The following BRME1 variants were observed in gnomAD, a reference collection of about 807,000 sequenced individuals.
BRME1 encodes the protein BRCA2 and MEILB2-associating protein 1.
In BRME1, 31 loss-of-function variants were observed where a neutral mutation model predicts 52.6. The observed-to-expected ratio is 0.59, with a 90% CI of 0.44 to 0.80. The LOEUF (loss-of-function observed/expected upper bound fraction) is 0.80, where lower values mean the gene tolerates loss of function less well. Ranked by LOEUF, BRME1 falls within the 30% of genes least tolerant of loss-of-function variation. The pLI, the probability that BRME1 is intolerant of heterozygous loss-of-function variation, is 0.00. For missense variants in BRME1, 804 were observed against 860.3 expected, an observed-to-expected ratio of 0.93 and a Z score of 0.82; for synonymous variants, 359 against 353.6, an observed-to-expected ratio of 1.02 and a Z score of -0.17.
At chr19:13,902,769 AC>A (rs760734138) in intron 2 of BRME1, among the ~76,000 whole-genome samples, 21 of 151,676 alleles carry the variant, frequency 1.4e-4, no homozygotes, top group South Asian at 1.0e-3. Context: ...CTAAAAAAAT[AC>A]AAAAATTAGC....
chr19:13,895,485 G>T lies in BRME1; in HGVS notation c.93C>A (p.Asp31Glu). The change falls in exon 3 of 9, where the codon GAC becomes GAA. Residue 31 changes from aspartate to glutamate, a missense_variant. Coordinates refer to ENST00000586783, the MANE Select transcript of BRME1 (RefSeq NM_001345843.2). ...KNPRLGDFYG[D>E]PQSSMLGCLH... ...AACAGCCCAACATGGAACTCTGGGG[G>T]TCCCCATAGAAGTCTCCTAGCCTTG... The T allele has an allele frequency of 6.2e-7, 1 of 1,614,056 alleles. No individual in the cohort carries two copies. The highest frequency in any genetic ancestry group is 1.1e-5 in the South Asian group (1 of 91,080).
chr19:13,883,547 C>T lies in BRME1; in HGVS notation c.1764-147G>A. On this transcript the variant is annotated intron_variant, in intron 7 of 8. Transcript: ENST00000586783. This position sits in a 1 kb window ranked among gnomAD's most constrained non-coding sequence, Gnocchi z 4.2. ...CTGTTCACGACAGAACCCTGATGGC[C>T]AACCCAGCTGGCTCCACTGCCCAGC... The T allele has an allele frequency of 1.6e-6, 1 of 626,286 alleles. No individual in the cohort carries two copies. Among genetic ancestry groups the T allele is most frequent in the Non-Finnish European group, 2.8e-6 (1 of 357,812 alleles). 38.8% of individuals were successfully genotyped at this position (626,286 alleles called of 1,614,324 possible). A position where few individuals can be genotyped will look rare whatever the true frequency, so the allele number is the denominator to read the frequency against.
rs1218962559 is a variant in BRME1, at chr19:13,889,990, G to C, written c.866C>G (p.Ala289Gly). Residue 289 changes from alanine (A) to glycine (G), a missense_variant, in exon 6 of 9, where the codon GCT becomes GGT. Ala to Gly is a moderately conservative substitution (Grantham distance 60). This residue lies in a region of BRME1 where 552 missense variants were observed against 561.1 expected (regional missense o/e 0.98). Transcript: ENST00000586783. Reference protein sequence around the residue: ...TPASAPTSGPAPGLGPASWCL... With the variant: ...TPASAPTSGPGPGLGPASWCL... The stretch of plus-strand genomic sequence containing the variant: ...CCAAGAGGCAGGGCCCAGTCCTGGA[G>C]CAGGGCCTGAGGTAGGAGCTGATGC... 3 of 1,612,790 alleles carry C rather than the reference G, an allele frequency of 1.9e-6. No homozygotes were observed. Among genetic ancestry groups the C allele is most frequent in the Non-Finnish European group, 1.7e-6 (2 of 1,179,972 alleles).
At chr19:13,899,790 C>G (rs889951744) in intron 2 of BRME1, among the ~76,000 whole-genome samples, 1 of 152,156 alleles carries the variant, frequency 6.6e-6, no homozygotes, top group African/African-American at 2.4e-5. Flanking sequence ...TGCTTGAGGT[C>G]AGGAGTTCAA....
rs950435181 is a variant in BRME1, at chr19:13,904,648, G to A, written c.31+214C>T. On this transcript the variant is annotated intron_variant, in intron 2 of 8. Transcript: ENST00000586783. The stretch of plus-strand genomic sequence containing the variant: ...GTAGAGACGGGGTTTCACCATGTTG[G>A]TCAGGCTGGTCTTGAACTCCTGACC... Among the ~76,000 whole-genome samples the A allele has an allele frequency of 1.9e-4, 28 of 149,194 alleles. 1 individual carries two copies. Among genetic ancestry groups the A allele is most frequent in the African/African-American group, 6.0e-4 (24 of 40,294 alleles).
Position 13,883,532 on chromosome 19 carries a change from C to A in BRME1, c.1764-132G>T. 1.4e-6 allele frequency: 1 copy of A among 695,272 alleles called. No individual in the cohort carries two copies. Among genetic ancestry groups the A allele is most frequent in the Non-Finnish European group, 2.4e-6 (1 of 414,876 alleles). 43.1% of individuals were successfully genotyped at this position (695,272 alleles called of 1,614,324 possible). A position where few individuals can be genotyped will look rare whatever the true frequency, so the allele number is the denominator to read the frequency against. On this transcript the variant is annotated intron_variant, in intron 7 of 8. Transcript: ENST00000586783. The surrounding 1 kb of genome is among the most constrained non-coding windows in gnomAD (Gnocchi z 4.2). The stretch of plus-strand genomic sequence containing the variant: ...CCAGCCTGTCCTCCTCTGTTCACGA[C>A]AGAACCCTGATGGCCAACCCAGCTG...
chr19:13,898,550 C>T (rs1302692715), intron 2 of BRME1, among the ~76,000 whole-genome samples: 5 of 152,034 alleles, frequency 3.3e-5, no homozygotes, highest in Admixed American at 1.3e-4. Context: ...GTTGAAGCTG[C>T]AGCAAGCCGT....
intron 2 of BRME1, among the ~76,000 whole-genome samples, chr19:13,900,301 T>A (rs1970209678): frequency 6.6e-6 from 1 of 152,138 alleles, no homozygotes; most frequent in Admixed American, 6.5e-5. Context: ...TTCCTCTCTC[T>A]CCACCCTTCC....
At chr19:13,894,282 T>A (rs1338640634) in intron 3 of BRME1, among the ~76,000 whole-genome samples, 1 of 152,168 alleles carries the variant, frequency 6.6e-6, no homozygotes, top group East Asian at 1.9e-4. Flanking sequence ...CCCAGCACTT[T>A]GGGAGGCCGA....
intron 3 of BRME1, 40 bp from the exon 4 acceptor site, chr19:13,893,263 G>A (rs542305212): frequency 6.5e-7 from 1 of 1,528,052 alleles, no homozygotes; most frequent in Admixed American, 2.0e-5. Flanking sequence ...ATCTGCCCGG[G>A]TGCGGTGGCT....
At chr19:13,903,982 G>C (rs944384527) in intron 2 of BRME1, among the ~76,000 whole-genome samples, 1 of 152,128 alleles carries the variant, frequency 6.6e-6, no homozygotes, top group Non-Finnish European at 1.5e-5. Context: ...AGGCTGTCCC[G>C]CTGCCCTGAA....
chr19:13,902,980 T>C (rs1970404382), intron 2 of BRME1, among the ~76,000 whole-genome samples: 1 of 151,470 alleles, frequency 6.6e-6, no homozygotes, highest in South Asian at 2.1e-4. Flanking sequence ...TCCTGTCCTG[T>C]TTTTCATGCT....
rs1204099887 is a variant in BRME1 at position 13,888,204 on chromosome 19, C to T, written c.1668+984G>A. On this transcript the variant is annotated intron_variant, in intron 6 of 8. Transcript: ENST00000586783. This position sits in a 1 kb window ranked among gnomAD's most constrained non-coding sequence, Gnocchi z 4.1. ...ACAGGTGGGAGCCACTGTGCCTGGCCATGAATTTTTTTTTTTTTTTTTAAC... is the reference window on the plus strand; with the variant it reads ...ACAGGTGGGAGCCACTGTGCCTGGCTATGAATTTTTTTTTTTTTTTTTAAC... 6.6e-6 allele frequency among the ~76,000 whole-genome samples: 1 copy of T among 151,196 alleles called. No homozygotes were observed. The highest frequency in any genetic ancestry group is 1.5e-5 in the Non-Finnish European group (1 of 67,956).
chr19:13,886,090 C>T, intron 6 of BRME1, 35 bp from the exon 7 acceptor site: 1 of 1,595,484 alleles, frequency 6.3e-7, no homozygotes, highest in East Asian at 2.2e-5. Flanking sequence ...GTGGTCGAGG[C>T]CTGGGTCGGG....
At chr19:13,894,751 TAAC>T (rs1474076208) in intron 3 of BRME1, among the ~76,000 whole-genome samples, 2 of 152,190 alleles carry the variant, frequency 1.3e-5, no homozygotes, top group East Asian at 1.9e-4. Flanking sequence ...TTAGCTCACA[TAAC>T]AACAATTCCT....
rs764121238 is a variant in BRME1 at position 13,904,929 on chromosome 19, A to C, written c.-21-16T>G. 2 of 1,590,740 alleles carry C rather than the reference A, an allele frequency of 1.3e-6. No individual in the cohort carries two copies. The highest frequency in any genetic ancestry group is 1.7e-6 in the Non-Finnish European group (2 of 1,160,018). The stretch of plus-strand genomic sequence containing the variant: ...CTTGAGAAATCTGAAAACAAGCAAA[A>C]TCTCTCATCATTATAAGCAGTCTCT... On this transcript the variant is annotated splice_polypyrimidine_tract_variant and intron_variant, in intron 1 of 8. Coordinates refer to ENST00000586783, the MANE Select transcript of BRME1 (RefSeq NM_001345843.2).
intron 3 of BRME1, among the ~76,000 whole-genome samples, chr19:13,893,559 T>C (rs1969670949): frequency 6.6e-6 from 1 of 151,804 alleles, no homozygotes; most frequent in Non-Finnish European, 1.5e-5. Context: ...GAGGGGGATC[T>C]GAAATCCTCC....
intron 2 of BRME1, among the ~76,000 whole-genome samples, chr19:13,903,710 C>T (rs1052783126): frequency 1.3e-5 from 2 of 151,526 alleles, no homozygotes; most frequent in African/African-American, 2.4e-5. Context: ...ACATTGCCAG[C>T]TGTCTCTGGA....
Position 13,892,810 on chromosome 19 carries a change from G to A in BRME1, c.369C>T (p.Asp123=). The A allele has an allele frequency of 1.2e-6, 2 of 1,614,122 alleles. No individual in the cohort carries two copies. The highest frequency in any genetic ancestry group is 1.7e-6 in the Non-Finnish European group (2 of 1,179,962). ...VTRKEEMKDE[D]RGSGAFSLET... is the part of the protein sequence containing the mutation. ...CCAGGCTAAAGGCCCCACTCCCACGGTCCTCATCCTTCATCTCTTCTTTTC... is the reference window on the plus strand; with the variant it reads ...CCAGGCTAAAGGCCCCACTCCCACGATCCTCATCCTTCATCTCTTCTTTTC... Residue 123 remains aspartate (D), a synonymous_variant, in exon 5 of 9, where the codon GAC becomes GAT. Coordinates refer to ENST00000586783, the MANE Select transcript of BRME1 (RefSeq NM_001345843.2).
Sources: gnomAD v4.1 joint callset for allele counts (sites outside exome capture counted in the v4.1 genomes callset) on GRCh38, gnomAD v4.1.1 for gene constraint, gnomAD v4.1.1 regional missense constraint, Gnocchi (gnomAD v3.1) non-coding constraint, MANE v1.5 for transcripts, NCBI Gene and HGNC (gene_info 2026-07-23, HGNC 2026-07-21) for gene names.